The following AGMO variants were observed in gnomAD, a reference collection of about 807,000 sequenced individuals.
AGMO encodes alkylglycerol monooxygenase.
A neutral mutation model predicts 60.2 loss-of-function variants in AGMO; 75 were observed. The observed-to-expected ratio is 1.25, with a 90% CI of 1.03 to 1.51. The LOEUF (loss-of-function observed/expected upper bound fraction) is 1.51, where lower values mean the gene tolerates loss of function less well. Ranked by LOEUF, AGMO falls within the 40% of genes most tolerant of loss-of-function variation. The pLI, the probability that AGMO is intolerant of heterozygous loss-of-function variation, is 0.00. For missense variants in AGMO, 763 were observed against 525.5 expected (o/e 1.45, Z -4.42); for synonymous variants, 261 against 177.1 (o/e 1.47, Z -3.76).
At chr7:15,525,960 A>G (rs1475061778) in intron 3 of AGMO, among the ~76,000 whole-genome samples, 1 of 152,178 alleles carries the variant, frequency 6.6e-6, no homozygotes, top group Non-Finnish European at 1.5e-5. Flanking sequence ...TGCTTGCAAC[A>G]CGCCTAGTCC....
intron 3 of AGMO, among the ~76,000 whole-genome samples, chr7:15,470,214 C>A (rs1212581140): frequency 1.3e-5 from 2 of 151,868 alleles, no homozygotes; most frequent in Non-Finnish European, 2.9e-5. Context: ...GAAATATGCT[C>A]TGATATTTAA....
chr7:15,381,981 C>T (rs942951467), intron 10 of AGMO, among the ~76,000 whole-genome samples: 62 of 152,150 alleles, frequency 4.1e-4, no homozygotes, highest in African/African-American at 1.4e-3. Context: ...GATGAGAACA[C>T]ATGGACACGT....
intron 12 of AGMO, among the ~76,000 whole-genome samples, chr7:15,295,519 G>A (rs1784385128): frequency 6.6e-6 from 1 of 152,030 alleles, no homozygotes; most frequent in African/African-American, 2.4e-5. Context: ...GGAGGAGGCA[G>A]ACTGTAGCTT....
At chr7:15,133,596 G>T in the AGMO span, among the ~76,000 whole-genome samples, 1 of 152,130 alleles carries the variant, frequency 6.6e-6, no homozygotes, top group African/African-American at 2.4e-5. Context: ...AAAGATATAT[G>T]AGTCAAAGGA....
At chr7:15,426,756 T>C (rs554755106) in intron 4 of AGMO, among the ~76,000 whole-genome samples, 6 of 124,988 alleles carry the variant, frequency 4.8e-5, no homozygotes, top group Non-Finnish European at 3.7e-5. Flanking sequence ...AAAAAAAAAA[T>C]TTTTTTTTTG....
At chr7:15,530,811 ATATATACATTTC>A (rs1184942158) in intron 3 of AGMO, among the ~76,000 whole-genome samples, 2 of 110,282 alleles carry the variant, frequency 1.8e-5, no homozygotes, top group Non-Finnish European at 3.5e-5. Flanking sequence ...TATATATTCT[ATATATACATTTC>A]TATATATATT....
chr7:15,282,347 A>C (rs1490170484), intron 12 of AGMO, among the ~76,000 whole-genome samples: 1 of 152,102 alleles, frequency 6.6e-6, no homozygotes, highest in Non-Finnish European at 1.5e-5. Flanking sequence ...ATATGAATGA[A>C]AAAATTTATA....
At chr7:15,251,480 A>G (rs1583329416) in intron 12 of AGMO, among the ~76,000 whole-genome samples, 1 of 152,242 alleles carries the variant, frequency 6.6e-6, no homozygotes. Flanking sequence ...ACTTGAGAAC[A>G]AAAGAGGGGG....
intron 12 of AGMO, among the ~76,000 whole-genome samples, chr7:15,232,903 A>G (rs1782300636): frequency 6.6e-6 from 1 of 152,098 alleles, no homozygotes; most frequent in African/African-American, 2.4e-5. Context: ...AGTAGGAGGA[A>G]AGGAATTTAG....
intron 12 of AGMO, among the ~76,000 whole-genome samples, chr7:15,290,800 T>C (rs1390232220): frequency 1.3e-5 from 2 of 152,180 alleles, no homozygotes; most frequent in Non-Finnish European, 2.9e-5. Context: ...TTTAAAACAA[T>C]CTGAATGATA....
intron 12 of AGMO, among the ~76,000 whole-genome samples, chr7:15,254,456 G>A (rs1310919042): frequency 2.0e-5 from 3 of 152,004 alleles, no homozygotes; most frequent in Non-Finnish European, 4.4e-5. Flanking sequence ...ATATCTGATT[G>A]TGGTTTTGAC....
intron 3 of AGMO, among the ~76,000 whole-genome samples, chr7:15,514,583 G>A (rs1262136106): frequency 1.3e-5 from 2 of 151,838 alleles, no homozygotes; most frequent in African/African-American, 2.4e-5. Flanking sequence ...AAAAATGAAG[G>A]GCATTTAAAA....
intron 12 of AGMO, among the ~76,000 whole-genome samples, chr7:15,280,778 G>A (rs549013691): frequency 9.8e-4 from 149 of 152,290 alleles, no homozygotes; most frequent in Non-Finnish European, 1.4e-3. Context: ...ACAGGACCTG[G>A]CTAAATACGT....
chr7:15,357,742 TCTTTCCACATTCG>T (rs752459512), intron 12 of AGMO, among the ~76,000 whole-genome samples: 10 of 152,198 alleles, frequency 6.6e-5, no homozygotes, highest in Non-Finnish European at 1.0e-4. Context: ...CAGAGAGAAG[TCTTTCCACATTCG>T]CTTTTATCTG....
chr7:15,144,281 T>A, the AGMO span, among the ~76,000 whole-genome samples: 1 of 152,134 alleles, frequency 6.6e-6, no homozygotes, highest in East Asian at 1.9e-4. Flanking sequence ...CCAAAAAAAA[T>A]GCACAGGTCT....
In AGMO at chr7:15,394,063, G is replaced by T. The variant is rs549438301; in HGVS notation, c.676+50C>A. On this transcript the variant is annotated intron_variant, in intron 6 of 12. Transcript: ENST00000342526. ...AAATGAGATTAAGGAAAATAATAAT[G>T]CAATTTTTAGAGAAATGAAGAAAAG... 9 of 1,354,392 alleles carry T rather than the reference G, an allele frequency of 6.6e-6. No individual in the cohort carries two copies. In the African/African-American group the frequency reaches 1.0e-4, roughly 15 times the overall value. The allele number at this position is 1,354,392 out of a possible 1,614,324, so 83.9% of individuals were successfully genotyped here. A position where few individuals can be genotyped will look rare whatever the true frequency, so the allele number is the denominator to read the frequency against.
At chr7:15,284,207 C>A (rs1005924335) in intron 12 of AGMO, among the ~76,000 whole-genome samples, 2 of 151,856 alleles carry the variant, frequency 1.3e-5, no homozygotes, top group South Asian at 4.1e-4. Flanking sequence ...CCAAAGCTAG[C>A]ACAAGTAAAT....
At chr7:15,432,024 T>C (rs1251698327) in intron 3 of AGMO, among the ~76,000 whole-genome samples, 2 of 151,822 alleles carry the variant, frequency 1.3e-5, no homozygotes, top group Non-Finnish European at 3.0e-5. Context: ...TGTCACATTA[T>C]ACTCTATTCA....
chr7:15,244,874 G>C (rs765255838), intron 12 of AGMO, among the ~76,000 whole-genome samples: 1 of 152,058 alleles, frequency 6.6e-6, no homozygotes, highest in East Asian at 1.9e-4. Context: ...GGATGGTCTC[G>C]ATCTCCTGAC....
Sources: gnomAD v4.1 joint callset for allele counts (sites outside exome capture counted in the v4.1 genomes callset) on GRCh38, gnomAD v4.1.1 for gene constraint, MANE v1.5 for transcripts, NCBI Gene and HGNC (gene_info 2026-07-23, HGNC 2026-07-21) for gene names.